Variants in PATJ observed in about 807,000 individuals in gnomAD.
PATJ encodes the protein PATJ crumbs cell polarity complex component.
PATJ carries 190 observed loss-of-function variants against 224.9 expected under a neutral mutation model. That is an observed-to-expected ratio of 0.84 (90% CI 0.75 to 0.95). PATJ has a LOEUF of 0.95. PATJ is among the 40% of genes least tolerant of loss of function. PATJ has a pLI of 0.00. For missense variants in PATJ, 2,121 were observed against 2,270.3 expected (o/e 0.93, Z 1.34); for synonymous variants, 769 against 820.3 (o/e 0.94, Z 1.07).
intron 27 of PATJ, among the ~76,000 whole-genome samples, chr1:61,966,802 G>C (rs114432465): frequency 0.015 from 2,304 of 152,102 alleles, 24 homozygotes; most frequent in Non-Finnish European, 0.026. Flanking sequence ...TGCTAAACAA[G>C]AGGTGGATGC....
At position 62,161,061 on chromosome 1, in the gene PATJ, G is replaced by A; in HGVS notation, c.*7G>A. On this transcript the variant is annotated 3_prime_UTR_variant, in exon 44 of 44. Coordinates refer to ENST00000642238, the MANE Select transcript of PATJ (RefSeq NM_001350145.3). ...CTTAACTGTGCTGTCATGAGCCTCG[G>A]GCCTGATCACAAGATAGATGTTGTT... The A allele has an allele frequency of 6.8e-7, 1 of 1,480,304 alleles. No homozygotes were observed. Among genetic ancestry groups the A allele is most frequent in the Non-Finnish European group, 9.0e-7 (1 of 1,114,614 alleles). The allele number at this position is 1,480,304 out of a possible 1,614,324, so 91.7% of individuals were successfully genotyped here.
intron 14 of PATJ, among the ~76,000 whole-genome samples, chr1:61,818,721 T>C (rs922717863): frequency 1.3e-5 from 2 of 152,180 alleles, no homozygotes; most frequent in South Asian, 4.1e-4. Flanking sequence ...ATTTAAGTTT[T>C]CTAGGGAGCA....
At chr1:61,966,226 G>C (rs1682117857) in intron 27 of PATJ, among the ~76,000 whole-genome samples, 1 of 151,998 alleles carries the variant, frequency 6.6e-6, no homozygotes, top group Non-Finnish European at 1.5e-5. Context: ...GTAGACTTTG[G>C]GTGCTTTGTA....
intron 4 of PATJ, 39 bp downstream of exon 4, chr1:61,766,512 T>A (rs1251857353): frequency 7.1e-7 from 1 of 1,409,518 alleles, no homozygotes; most frequent in Non-Finnish European, 9.7e-7. Flanking sequence ...TTAGCTTCAT[T>A]TCTCCTGTTT....
At chr1:61,805,238 C>T (rs1335828796) in intron 12 of PATJ, among the ~76,000 whole-genome samples, 2 of 152,122 alleles carry the variant, frequency 1.3e-5, no homozygotes. Flanking sequence ...ATAATTTGGT[C>T]ACAGCTGATC....
At chr1:61,998,021 A>ATG (rs1365856177) in intron 28 of PATJ, among the ~76,000 whole-genome samples, 1 of 123,986 alleles carries the variant, frequency 8.1e-6, no homozygotes, top group Non-Finnish European at 1.7e-5. Context: ...TATTAATTAT[A>ATG]TATAATATAT....
At chr1:61,753,859 T>TA (rs1158952136) in intron 1 of PATJ, among the ~76,000 whole-genome samples, 1 of 148,726 alleles carries the variant, frequency 6.7e-6, no homozygotes, top group Non-Finnish European at 1.5e-5. Flanking sequence ...AAGAGTTTAA[T>TA]AAAAAATATA....
intron 41 of PATJ, among the ~76,000 whole-genome samples, chr1:62,131,367 A>G (rs979091495): frequency 7.9e-5 from 12 of 152,162 alleles, no homozygotes; most frequent in Non-Finnish European, 1.6e-4. Flanking sequence ...CCTTAGGAGG[A>G]TCCTACTTCA....
At position 62,144,775 on chromosome 1, in the gene PATJ, A is replaced by ATATATATATATATATATATATAT. The variant is rs1218856613; in HGVS notation, c.5272-3509_5272-3508insTATATATATATATATATATATAT. Among the ~76,000 whole-genome samples the ATATATATATATATATATATATAT allele has an allele frequency of 1.7e-4, 15 of 90,844 alleles. No homozygotes were observed. In the South Asian group the frequency reaches 2.7e-3, roughly 16 times the overall value. 59.6% of individuals were successfully genotyped at this position (90,844 alleles called of 152,430 possible). A position where few individuals can be genotyped will look rare whatever the true frequency, so the allele number is the denominator to read the frequency against. On this transcript the variant is annotated intron_variant, in intron 41 of 43. Coordinates refer to ENST00000642238, the MANE Select transcript of PATJ (RefSeq NM_001350145.3). Reference sequence around the variant, plus strand: ...TCTAGAATGTTATTTGCAAAAAAAAAAAATATATATATATATATATAATTA... The same window carrying ATATATATATATATATATATATAT: ...TCTAGAATGTTATTTGCAAAAAAAAATATATATATATATATATATATATAAATATATATATATATATATAATTA...
At chr1:61,763,232 C>A in intron 3 of PATJ, 53 bp downstream of exon 3, 4 of 1,070,736 alleles carry the variant, frequency 3.7e-6, no homozygotes, top group Non-Finnish European at 5.1e-6. Flanking sequence ...TATATTCAAA[C>A]CATCAAAGAA....
At chr1:61,958,114 C>T (rs1680694499) in intron 27 of PATJ, among the ~76,000 whole-genome samples, 1 of 151,798 alleles carries the variant, frequency 6.6e-6, no homozygotes, top group Non-Finnish European at 1.5e-5. Context: ...TTTATTTTTC[C>T]TTTGTGTAAG....
At chr1:62,126,861 T>C (rs1163079321) in intron 39 of PATJ, among the ~76,000 whole-genome samples, 1 of 152,192 alleles carries the variant, frequency 6.6e-6, no homozygotes, top group Non-Finnish European at 1.5e-5. Context: ...GTGTTTAATT[T>C]ACTCCTGCTA....
Position 61,882,205 on chromosome 1 carries a change from G to C in PATJ, c.2960-2032G>C, listed in dbSNP as rs565558625. Among the ~76,000 whole-genome samples, 192 of 152,252 alleles carry C rather than the reference G, an allele frequency of 1.3e-3. 4 individuals are homozygous for C. Among genetic ancestry groups the C allele is most frequent in the African/African-American group, 4.5e-3 (185 of 41,538 alleles). On this transcript the variant is annotated intron_variant, in intron 21 of 43. Transcript: ENST00000642238. The stretch of plus-strand genomic sequence containing the variant: ...GAAAATAAAGCAGTAAAAAGAAATA[G>C]AGAATGTTTGAGGAGGAGGCCTATT...
chr1:62,145,246 G>A lies in PATJ; in HGVS notation c.5272-3038G>A, dbSNP rs75606991. Among the ~76,000 whole-genome samples the A allele has an allele frequency of 3.4e-3, 523 of 152,320 alleles. 22 individuals carry two copies. The East Asian group carries it at 0.087, about 25-fold the overall frequency. On this transcript the variant is annotated intron_variant, in intron 41 of 43. Transcript: ENST00000642238. ...GTGCTAGGCACTCTTCTATGTGATG[G>A]GGAATACAGGAGTGAACAAAGCAGA...
At position 62,121,295 on chromosome 1, in the gene PATJ, G is replaced by T; in HGVS notation, c.5005G>T (p.Gly1669Cys). The change falls in exon 38 of 44, where the codon GGC becomes TGC. Residue 1669 changes from glycine to cysteine, a missense_variant and splice_region_variant. Transcript: ENST00000642238. ...RVSDPSQKNSGTDMEPRTVEI... is the reference protein window; with the variant it reads ...RVSDPSQKNSCTDMEPRTVEI... Reference sequence around the variant, plus strand: ...TTCAGATCCTTCCCAGAAAAATTCAGGTATTACACGGACACACCCAGAGCA... The same window carrying T: ...TTCAGATCCTTCCCAGAAAAATTCATGTATTACACGGACACACCCAGAGCA... The T allele has an allele frequency of 6.3e-7, 1 of 1,581,554 alleles. No homozygotes were observed.
chr1:62,068,616 G>A (rs1656877175), intron 31 of PATJ, among the ~76,000 whole-genome samples: 1 of 152,224 alleles, frequency 6.6e-6, no homozygotes, highest in African/African-American at 2.4e-5. Flanking sequence ...CAGAGAGACA[G>A]GGCATTTTGA....
chr1:61,840,375 A>G (rs1038792919), intron 17 of PATJ, among the ~76,000 whole-genome samples: 1 of 152,058 alleles, frequency 6.6e-6, no homozygotes, highest in Non-Finnish European at 1.5e-5. Context: ...TCCTGTGACA[A>G]GTAAATCTAC....
intron 30 of PATJ, among the ~76,000 whole-genome samples, chr1:62,046,746 G>A (rs1361746514): frequency 1.3e-5 from 2 of 152,184 alleles, no homozygotes; most frequent in Admixed American, 6.5e-5. Flanking sequence ...CCCCAGGTAA[G>A]GAGAAGGAAA....
At position 62,084,649 on chromosome 1, in the gene PATJ, G is replaced by GT; in HGVS notation, c.4377+2dup. 6.2e-7 allele frequency: 1 copy of GT among 1,611,952 alleles called. No individual in the cohort carries two copies. The highest frequency in any genetic ancestry group is 8.5e-7 in the Non-Finnish European group (1 of 1,179,232). ...TGTGGGAGGAAAAGACACACCCTTG[G>GT]TAAGTTTCTAGAAATAAAATGTATC... On this transcript the variant is annotated splice_donor_variant, in intron 33 of 43. Coordinates refer to ENST00000642238, the MANE Select transcript of PATJ (RefSeq NM_001350145.3). LOFTEE classifies it high-confidence loss of function.
Sources: allele counts gnomAD v4.1 joint callset (sites outside exome capture counted in the v4.1 genomes callset), GRCh38; gene constraint gnomAD v4.1.1; transcripts MANE v1.5; gene names NCBI Gene and HGNC (gene_info 2026-07-23, HGNC 2026-07-21).